Variants in RPL37 observed in about 807,000 individuals in gnomAD.
RPL37 encodes ribosomal protein L37.
RPL37 carries 1 observed loss-of-function variant against 14.8 expected under a neutral mutation model. That is an observed-to-expected ratio of 0.07 (90% CI 0.02 to 0.32). RPL37 has a LOEUF of 0.32. Among genes scored for constraint, RPL37 ranks in the 10% least tolerant of loss-of-function variants. The probability of loss-of-function intolerance (pLI) is 1.00; values close to 1 mark genes in which losing one functional copy is unlikely to be tolerated. For missense variants in RPL37, 100 were observed against 128.3 expected (o/e 0.78, Z 1.06); for synonymous variants, 53 against 45.8 (o/e 1.16, Z -0.63).
rs200838100 is a variant in RPL37, at chr5:40,835,002, A to G, written c.3+181T>C. The G allele has an allele frequency of 1.3e-5, 10 of 773,606 alleles. No homozygotes were observed. In the Middle Eastern group the frequency reaches 2.0e-3, roughly 157 times the overall value. The allele number at this position is 773,606 out of a possible 1,614,324, so 47.9% of individuals were successfully genotyped here. A position where few individuals can be genotyped will look rare whatever the true frequency, so the allele number is the denominator to read the frequency against. ...GCTCTAGCACCACAATTACGGCGGGATAGGTCCCCCAGGCACCAGTTAGCA... is the reference window on the plus strand; with the variant it reads ...GCTCTAGCACCACAATTACGGCGGGGTAGGTCCCCCAGGCACCAGTTAGCA... On this transcript the variant is annotated intron_variant, in intron 1 of 3. Coordinates refer to ENST00000274242, the MANE Select transcript of RPL37 (RefSeq NM_000997.5).
In RPL37 at chr5:40,827,462, C is replaced by T. The variant is rs1201095685; in HGVS notation, c.*5042G>A. The T allele has an allele frequency of 2.0e-5, 3 of 152,152 alleles. No individual in the cohort carries two copies. Among genetic ancestry groups the T allele is most frequent in the African/African-American group, 7.2e-5 (3 of 41,428 alleles). The allele number at this position is 152,152 out of a possible 1,614,324, so 9.4% of individuals were successfully genotyped here. A position where few individuals can be genotyped will look rare whatever the true frequency, so the allele number is the denominator to read the frequency against. ...TTACCTATTGAAATAAAACTGTTTTCGCAACTAATCATGATGAAAATACTT... is the reference window on the plus strand; with the variant it reads ...TTACCTATTGAAATAAAACTGTTTTTGCAACTAATCATGATGAAAATACTT... On this transcript the variant is annotated 3_prime_UTR_variant, in exon 4 of 4. Coordinates refer to ENST00000274242, the MANE Select transcript of RPL37 (RefSeq NM_000997.5).
rs770111750 is a variant in RPL37, at chr5:40,832,523, G to A, written c.275C>T (p.Ala92Val). Residue 92 changes from alanine to valine, a missense_variant, in exon 4 of 4, where the codon GCA becomes GTA. Physicochemically the swap from Ala to Val is moderately conservative, Grantham distance 64. Coordinates refer to ENST00000274242, the MANE Select transcript of RPL37 (RefSeq NM_000997.5). ...ACATTCTTAAGATGAACTGGATGCT[G>A]CAACAGCTGCCCTCTTGGGTTTAGG... is the stretch of plus-strand genomic sequence containing the variant. ...TTPKPKRAAV[A>V]ASSSS 1 of 1,613,676 alleles carries A rather than the reference G, an allele frequency of 6.2e-7. No individual in the cohort carries two copies. The highest frequency in any genetic ancestry group is 8.5e-7 in the Non-Finnish European group (1 of 1,179,776).
rs747272219 is a variant in RPL37, at chr5:40,835,187, T to C, written c.-2A>G. ...AACACCACAGTCACAACTCACCATC[T>C]CGCTTCTGCGGCCGAGACCAGAAAG... On this transcript the variant is annotated 5_prime_UTR_variant, in exon 1 of 4. Transcript: ENST00000274242. 28 of 1,613,930 alleles carry C rather than the reference T, an allele frequency of 1.7e-5. No homozygotes were observed. The East Asian group carries it at 2.2e-4, about 13-fold the overall frequency.
At position 40,828,517 on chromosome 5, in the gene RPL37, T is replaced by C. The variant is rs1017611896; in HGVS notation, c.*3987A>G. The C allele has an allele frequency of 2.0e-5, 3 of 152,212 alleles. No individual in the cohort carries two copies. The highest frequency in any genetic ancestry group is 4.4e-5 in the Non-Finnish European group (3 of 68,042). 9.4% of individuals were successfully genotyped at this position (152,212 alleles called of 1,614,324 possible). On this transcript the variant is annotated 3_prime_UTR_variant, in exon 4 of 4. Coordinates refer to ENST00000274242, the MANE Select transcript of RPL37 (RefSeq NM_000997.5). Reference sequence around the variant, plus strand: ...GAATAGGTAAACTTCCAAAAGTATCTAGTGTTGTCTTTTAAACTAAACTCC... The same window carrying C: ...GAATAGGTAAACTTCCAAAAGTATCCAGTGTTGTCTTTTAAACTAAACTCC...
chr5:40,831,722 C>T lies in RPL37; in HGVS notation c.*782G>A, dbSNP rs1197900116. The T allele has an allele frequency of 1.3e-5, 2 of 152,202 alleles. No homozygotes were observed. Among genetic ancestry groups the T allele is most frequent in the Non-Finnish European group, 2.9e-5 (2 of 68,020 alleles). The allele number at this position is 152,202 out of a possible 1,614,324, so 9.4% of individuals were successfully genotyped here. ...ATAAACCACGAAAACTAGGAAGGCA[C>T]GACAGCAAGTTTCAGTGCTTTAACA... On this transcript the variant is annotated 3_prime_UTR_variant, in exon 4 of 4. Transcript: ENST00000274242.
rs1041471513 is a variant in RPL37 at position 40,828,123 on chromosome 5, G to T, written c.*4381C>A. The T allele has an allele frequency of 6.6e-6, 1 of 152,128 alleles. No homozygotes were observed. Among genetic ancestry groups the T allele is most frequent in the Non-Finnish European group, 1.5e-5 (1 of 68,024 alleles). 9.4% of individuals were successfully genotyped at this position (152,128 alleles called of 1,614,324 possible). ...AAAATTAAGTTTCAATTACAGGCAAGGTTAAACTCTGCAAGCAACCCAAAA... is the reference window on the plus strand; with the variant it reads ...AAAATTAAGTTTCAATTACAGGCAATGTTAAACTCTGCAAGCAACCCAAAA... On this transcript the variant is annotated 3_prime_UTR_variant, in exon 4 of 4. Coordinates refer to ENST00000274242, the MANE Select transcript of RPL37 (RefSeq NM_000997.5).
In RPL37 at chr5:40,835,216, G is replaced by A. The variant is rs754739899; in HGVS notation, c.-31C>T. 1.2e-5 allele frequency: 20 copies of A among 1,613,700 alleles called. No homozygotes were observed. Among genetic ancestry groups the A allele is most frequent in the South Asian group, 7.7e-5 (7 of 91,062 alleles). On this transcript the variant is annotated 5_prime_UTR_variant, in exon 1 of 4. Coordinates refer to ENST00000274242, the MANE Select transcript of RPL37 (RefSeq NM_000997.5). ...TTCTGCGGCCGAGACCAGAAAGACC[G>A]GAAGAGAAGGCACTTCCGCTATATC... is the stretch of plus-strand genomic sequence containing the variant.
chr5:40,832,730 T>A (rs779378224), intron 3 of RPL37, 157 bp from the exon 4 acceptor site: 3 of 757,866 alleles, frequency 4.0e-6, no homozygotes, highest in African/African-American at 3.4e-5. Context: ...ACATCACTGA[T>A]AAGCTGAAAT....
rs1314066365 is a variant in RPL37 at position 40,826,292 on chromosome 5, C to T, written c.*6212G>A. The T allele has an allele frequency of 6.6e-6, 1 of 152,162 alleles. No individual in the cohort carries two copies. Among genetic ancestry groups the T allele is most frequent in the Admixed American group, 6.5e-5 (1 of 15,278 alleles). The allele number at this position is 152,162 out of a possible 1,614,324, so 9.4% of individuals were successfully genotyped here. On this transcript the variant is annotated 3_prime_UTR_variant, in exon 4 of 4. Transcript: ENST00000274242. ...AACTATCAAAAGTCTCACACACACA[C>T]ACAACCCAAAGAAAACATATCCAAG...
At chr5:40,834,386 C>T in intron 2 of RPL37, 85 bp downstream of exon 2, 1 of 1,578,910 alleles carries the variant, frequency 6.3e-7, no homozygotes, top group Non-Finnish European at 8.6e-7. Flanking sequence ...TTAAGATAGG[C>T]ACCAAATAAA....
rs1214557300 is a variant in RPL37, at chr5:40,827,421, C to T, written c.*5083G>A. 2 of 152,210 alleles carry T rather than the reference C, an allele frequency of 1.3e-5. No homozygotes were observed. Among genetic ancestry groups the T allele is most frequent in the Non-Finnish European group, 2.9e-5 (2 of 68,040 alleles). The allele number at this position is 152,210 out of a possible 1,614,324, so 9.4% of individuals were successfully genotyped here. ...AATTAAGATTACCTTCTGACGATTA[C>T]ATAGGACTGCACGTTTTACCTATTG... is the stretch of plus-strand genomic sequence containing the variant. On this transcript the variant is annotated 3_prime_UTR_variant, in exon 4 of 4. Transcript: ENST00000274242.
rs1321174337 is a variant in RPL37, at chr5:40,827,477, T to A, written c.*5027A>T. The A allele has an allele frequency of 1.3e-5, 2 of 152,208 alleles. No individual in the cohort carries two copies. The highest frequency in any genetic ancestry group is 2.9e-5 in the Non-Finnish European group (2 of 68,024). 9.4% of individuals were successfully genotyped at this position (152,208 alleles called of 1,614,324 possible). A position where few individuals can be genotyped will look rare whatever the true frequency, so the allele number is the denominator to read the frequency against. The stretch of plus-strand genomic sequence containing the variant: ...AAACTGTTTTCGCAACTAATCATGA[T>A]GAAAATACTTTTTGTTATCTGTGAG... On this transcript the variant is annotated 3_prime_UTR_variant, in exon 4 of 4. Transcript: ENST00000274242.
At chr5:40,834,114 T>C in intron 3 of RPL37, 67 bp downstream of exon 3, 3 of 1,103,116 alleles carry the variant, frequency 2.7e-6, no homozygotes, top group Non-Finnish European at 4.2e-6. Flanking sequence ...GTTATCTTTT[T>C]ACAAGTAAAC....
rs1006925163 is a variant in RPL37 at position 40,825,274 on chromosome 5, A to T, written c.*7230T>A. On this transcript the variant is annotated 3_prime_UTR_variant, in exon 4 of 4. Coordinates refer to ENST00000274242, the MANE Select transcript of RPL37 (RefSeq NM_000997.5). ...TGCAAAAGTAGTATTTCATTGTACA[A>T]TATCTTTATTAAAGAAATGCATTCC... is the stretch of plus-strand genomic sequence containing the variant. 1 of 152,194 alleles carries T rather than the reference A, an allele frequency of 6.6e-6. No individual in the cohort carries two copies. Among genetic ancestry groups the T allele is most frequent in the African/African-American group, 2.4e-5 (1 of 41,450 alleles). 9.4% of individuals were successfully genotyped at this position (152,194 alleles called of 1,614,324 possible). A position where few individuals can be genotyped will look rare whatever the true frequency, so the allele number is the denominator to read the frequency against.
chr5:40,834,215 T>G lies in RPL37; in HGVS notation c.190A>C (p.Met64Leu). 2.5e-6 allele frequency: 4 copies of G among 1,614,188 alleles called. No homozygotes were observed. Among genetic ancestry groups the G allele is most frequent in the Non-Finnish European group, 3.4e-6 (4 of 1,179,996 alleles). ...CGGTATACAATTTTTAGGTGCCTCATTCGACCAGTTCCGGTGGTATTTCGT... is the reference window on the plus strand; with the variant it reads ...CGGTATACAATTTTTAGGTGCCTCAGTCGACCAGTTCCGGTGGTATTTCGT... ...KRRNTTGTGR[M>L]RHLKIVYRRF... The change falls in exon 3 of 4, where the codon ATG becomes CTG. Residue 64 changes from methionine to leucine, a missense_variant. By Grantham distance (15) the Met-to-Leu change is conservative. Coordinates refer to ENST00000274242, the MANE Select transcript of RPL37 (RefSeq NM_000997.5).
In RPL37 at chr5:40,834,208, T is replaced by C; in HGVS notation, c.197A>G (p.His66Arg). The C allele has an allele frequency of 6.2e-7, 1 of 1,614,050 alleles. No individual in the cohort carries two copies. Among genetic ancestry groups the C allele is most frequent in the South Asian group, 1.1e-5 (1 of 91,080 alleles). ...GAATCTGCGGTATACAATTTTTAGG[T>C]GCCTCATTCGACCAGTTCCGGTGGT... is the stretch of plus-strand genomic sequence containing the variant. ...RNTTGTGRMR[H>R]LKIVYRRFRH... Residue 66 changes from histidine to arginine, a missense_variant, in exon 3 of 4, where the codon CAC becomes CGC. Around this residue, in one of 2 missense-constraint regions of RPL37, gnomAD observed 74 missense variants for 69.9 expected, o/e 1.06. Transcript: ENST00000274242.
chr5:40,835,086 T>C, intron 1 of RPL37, 97 bp downstream of exon 1: 1 of 1,554,178 alleles, frequency 6.4e-7, no homozygotes, highest in South Asian at 1.1e-5. Context: ...CCAGTTCCCC[T>C]TATCCGGAAT....
rs934294595 is a variant in RPL37, at chr5:40,827,117, A to T, written c.*5387T>A. On this transcript the variant is annotated 3_prime_UTR_variant, in exon 4 of 4. Transcript: ENST00000274242. The stretch of plus-strand genomic sequence containing the variant: ...TGAGATGGGTCCATCAGATACAAGG[A>T]TAACTACCCAGCAGGGAACCTCCAA... 6.6e-6 allele frequency: 1 copy of T among 152,194 alleles called. No homozygotes were observed. Among genetic ancestry groups the T allele is most frequent in the East Asian group, 1.9e-4 (1 of 5,190 alleles). The allele number at this position is 152,194 out of a possible 1,614,324, so 9.4% of individuals were successfully genotyped here.
In RPL37 at chr5:40,834,276, A is replaced by G. The variant is rs374059743; in HGVS notation, c.140-11T>C. The G allele has an allele frequency of 5.0e-6, 8 of 1,612,452 alleles. No homozygotes were observed. In the African/African-American group the frequency reaches 1.1e-4, roughly 22 times the overall value. On this transcript the variant is annotated splice_polypyrimidine_tract_variant and intron_variant, in intron 2 of 3. Coordinates refer to ENST00000274242, the MANE Select transcript of RPL37 (RefSeq NM_000997.5). ...TGGCACTCCAGTTATCTAAAACATAAGTTCAGAAAAGATTTCAAACGGTGT... is the reference window on the plus strand; with the variant it reads ...TGGCACTCCAGTTATCTAAAACATAGGTTCAGAAAAGATTTCAAACGGTGT...
Sources: allele counts gnomAD v4.1 joint callset, GRCh38; gene constraint gnomAD v4.1.1; regional missense constraint gnomAD v4.1.1; transcripts MANE v1.5; gene names NCBI Gene and HGNC (gene_info 2026-07-23, HGNC 2026-07-21).